EPB41L2: variants seen among roughly 807,000 people sequenced by gnomAD.
EPB41L2 encodes the protein erythrocyte membrane protein band 4.1 like 2.
Under a neutral mutation model 113.0 loss-of-function variants are expected in EPB41L2, and 43 were observed. The ratio of observed to expected loss-of-function variants is 0.38; its 90% confidence interval spans 0.30 to 0.49. The LOEUF is 0.49. EPB41L2 is among the 20% of genes least tolerant of loss of function. The pLI is 0.95. For missense variants in EPB41L2, 1,147 were observed against 1,223.4 expected (o/e 0.94, Z 0.93); for synonymous variants, 442 against 436.7 (o/e 1.01, Z -0.15).
intron 1 of EPB41L2, among the ~76,000 whole-genome samples, chr6:131,029,355 T>G (rs1327190403): frequency 7.6e-6 from 1 of 132,322 alleles, no homozygotes; most frequent in Admixed American, 8.1e-5. Context: ...TGCAAAAACC[T>G]GAAAATATCA....
At chr6:130,944,172 TACACAC>T (rs869217556) in intron 3 of EPB41L2, among the ~76,000 whole-genome samples, 3 of 125,560 alleles carry the variant, frequency 2.4e-5, no homozygotes, top group Admixed American at 8.3e-5. Context: ...TACACACACA[TACACAC>T]ACACACACAC....
At chr6:130,869,516 T>C (rs766951249) in intron 15 of EPB41L2, 47 bp downstream of exon 15, 2 of 1,546,972 alleles carry the variant, frequency 1.3e-6, no homozygotes, top group Non-Finnish European at 1.8e-6. Flanking sequence ...GTTCCCCATC[T>C]GAGAAGCAGC....
chr6:130,977,354 T>C (rs1562645082), intron 1 of EPB41L2, among the ~76,000 whole-genome samples: 1 of 47,062 alleles, frequency 2.1e-5, no homozygotes, highest in South Asian at 9.1e-4. Context: ...GCAGTTAGAT[T>C]ATTTACATAG....
intron 3 of EPB41L2, among the ~76,000 whole-genome samples, chr6:130,940,575 T>C (rs10782244): frequency 0.78 from 118,629 of 151,546 alleles, 46,935 homozygotes; most frequent in East Asian, 1. Context: ...AAGCAATTCT[T>C]GTGCCTCAGC....
At position 130,894,419 on chromosome 6, in the gene EPB41L2, A is replaced by G; in HGVS notation, c.1412T>C (p.Ile471Thr). The change falls in exon 10 of 20, where the codon ATT becomes ACT. Residue 471 changes from isoleucine (I) to threonine (T), a missense_variant. Transcript: ENST00000337057. Reference protein sequence around the residue: ...PAELEQFESTIGFKLPNHRAA... With the variant: ...PAELEQFESTTGFKLPNHRAA... ...CCGGTGGTTTGGCAGTTTGAATCCA[A>G]TGGTACTCTCAAACTGTTCCAGCTG... The G allele has an allele frequency of 6.2e-7, 1 of 1,613,898 alleles. No homozygotes were observed. Among genetic ancestry groups the G allele is most frequent in the Middle Eastern group, 1.7e-4 (1 of 6,058 alleles).
intron 1 of EPB41L2, among the ~76,000 whole-genome samples, chr6:130,990,761 T>C (rs1173796803): frequency 1.3e-5 from 2 of 152,136 alleles, no homozygotes; most frequent in African/African-American, 2.4e-5. Flanking sequence ...ATGGTTGGTA[T>C]ACTATGCCGA....
intron 1 of EPB41L2, among the ~76,000 whole-genome samples, chr6:131,028,088 T>TA (rs1791267956): frequency 6.6e-6 from 1 of 152,186 alleles, no homozygotes; most frequent in African/African-American, 2.4e-5. Flanking sequence ...TACCCCTCAT[T>TA]ACCACTATCA....
chr6:130,925,026 T>C (rs1032323051), intron 4 of EPB41L2, among the ~76,000 whole-genome samples: 6 of 152,142 alleles, frequency 3.9e-5, no homozygotes, highest in Admixed American at 6.5e-5. Context: ...CTACATCCAG[T>C]AGGCAATTAA....
intron 19 of EPB41L2, among the ~76,000 whole-genome samples, chr6:130,845,393 T>C (rs924151141): frequency 3.3e-5 from 5 of 152,090 alleles, no homozygotes; most frequent in Admixed American, 3.3e-4. Flanking sequence ...TCTTTTTTTT[T>C]TAGAGGCAGG....
chr6:130,872,201 A>G (rs906046621), intron 14 of EPB41L2, among the ~76,000 whole-genome samples: 9 of 152,136 alleles, frequency 5.9e-5, no homozygotes, highest in East Asian at 1.9e-4. Context: ...CATCCAATCT[A>G]TATCTTTTCT....
chr6:131,053,899 T>C lies in EPB41L2; in HGVS notation c.-15+9256A>G, dbSNP rs368291707. On this transcript the variant is annotated intron_variant, in intron 1 of 19. Coordinates refer to ENST00000337057, the MANE Select transcript of EPB41L2 (RefSeq NM_001431.4). ...TGTGCAGCCCTTAATTGCCAGTTGGTGGTCCAGCTGATCTTACAACGGGAG... is the reference window on the plus strand; with the variant it reads ...TGTGCAGCCCTTAATTGCCAGTTGGCGGTCCAGCTGATCTTACAACGGGAG... Among the ~76,000 whole-genome samples, 50 of 152,352 alleles carry C rather than the reference T, an allele frequency of 3.3e-4. No homozygotes were observed. In the East Asian group the frequency reaches 9.3e-3, roughly 28 times the overall value.
At chr6:131,036,796 AAC>A (rs1364642538) in intron 1 of EPB41L2, among the ~76,000 whole-genome samples, 1 of 152,196 alleles carries the variant, frequency 6.6e-6, no homozygotes, top group African/African-American at 2.4e-5. Context: ...AGGAGAAAAA[AAC>A]AGTTATGGGT....
chr6:131,016,477 AACAC>A (rs10584309), intron 1 of EPB41L2, among the ~76,000 whole-genome samples: 27,744 of 143,302 alleles, frequency 0.19, 2,907 homozygotes, highest in East Asian at 0.48. Context: ...TTAATAAGGA[AACAC>A]ACACACACAC....
intron 7 of EPB41L2, among the ~76,000 whole-genome samples, chr6:130,900,514 G>T (rs1795994021): frequency 6.6e-6 from 1 of 152,158 alleles, no homozygotes; most frequent in Non-Finnish European, 1.5e-5. Context: ...GTACATTTCA[G>T]TTACTATTCC....
At chr6:130,952,759 G>A (rs1443119741) in intron 3 of EPB41L2, among the ~76,000 whole-genome samples, 2 of 151,080 alleles carry the variant, frequency 1.3e-5, no homozygotes, top group Admixed American at 1.3e-4. Context: ...GCAGTGAGCC[G>A]AGATCGTGCC....
At chr6:130,992,324 A>G (rs1782069623) in intron 1 of EPB41L2, among the ~76,000 whole-genome samples, 1 of 152,080 alleles carries the variant, frequency 6.6e-6, no homozygotes, top group South Asian at 2.1e-4. Flanking sequence ...TCTCCTTACC[A>G]CTAAATTGCT....
chr6:130,869,386 G>A (rs1301950860), intron 15 of EPB41L2, among the ~76,000 whole-genome samples, 177 bp downstream of exon 15: 1 of 152,164 alleles, frequency 6.6e-6, no homozygotes, highest in Non-Finnish European at 1.5e-5. Flanking sequence ...TGGAACCCAT[G>A]AACTGGGCGG....
chr6:130,949,171 C>G (rs906266107), intron 3 of EPB41L2, among the ~76,000 whole-genome samples: 6 of 152,024 alleles, frequency 3.9e-5, no homozygotes, highest in African/African-American at 1.4e-4. Context: ...ACATTCTGAC[C>G]ACGCTGTAAC....
intron 1 of EPB41L2, among the ~76,000 whole-genome samples, chr6:130,974,106 T>C (rs768622949): frequency 6.6e-6 from 1 of 152,132 alleles, no homozygotes; most frequent in Non-Finnish European, 1.5e-5. Context: ...ATGTTAAATC[T>C]AACCCACAAT....
Sources: gnomAD v4.1 joint callset for allele counts (sites outside exome capture counted in the v4.1 genomes callset) on GRCh38, gnomAD v4.1.1 for gene constraint, MANE v1.5 for transcripts, NCBI Gene and HGNC (gene_info 2026-07-23, HGNC 2026-07-21) for gene names.